TRAK1: variants seen among roughly 807,000 people sequenced by gnomAD.
The protein encoded by TRAK1 is trafficking kinesin-binding protein 1.
In TRAK1, 33 loss-of-function variants were observed where a neutral mutation model predicts 92.1. The ratio of observed to expected loss-of-function variants is 0.36; its 90% CI spans 0.27 to 0.48. The LOEUF (loss-of-function observed/expected upper bound fraction) is 0.48, where lower values mean the gene tolerates loss of function less well. TRAK1 is among the 20% of genes least tolerant of loss of function. The pLI is 0.99. For missense variants in TRAK1, 1,123 were observed against 1,257.9 expected (o/e 0.89, Z 1.62); for synonymous variants, 521 against 517.3 (o/e 1.01, Z -0.10).
chr3:42,184,955 C>T (rs1452802324), intron 4 of TRAK1, 154 bp downstream of exon 4: 7 of 641,222 alleles, frequency 1.1e-5, no homozygotes, highest in East Asian at 5.3e-5. Flanking sequence ...TCTTCTGAAA[C>T]GTTCACCTGG....
chr3:42,121,679 T>C (rs1310396765), intron 1 of TRAK1, among the ~76,000 whole-genome samples: 1 of 152,220 alleles, frequency 6.6e-6, no homozygotes, highest in African/African-American at 2.4e-5. Flanking sequence ...GCTTTTGGCC[T>C]TGTGGCCAAG....
chr3:42,133,614 T>A (rs1459197152), intron 2 of TRAK1, among the ~76,000 whole-genome samples: 2 of 152,210 alleles, frequency 1.3e-5, no homozygotes, highest in Non-Finnish European at 2.9e-5. Context: ...TTCCGTTGCC[T>A]TTTTCCTGCC....
At chr3:42,130,315 A>AG (rs1167986058) in intron 2 of TRAK1, among the ~76,000 whole-genome samples, 1 of 119,580 alleles carries the variant, frequency 8.4e-6, no homozygotes, top group African/African-American at 3.3e-5. Context: ...GCATTGATTG[A>AG]GGGAAAAAAA....
chr3:42,107,430 T>C (rs1234614588), intron 1 of TRAK1, among the ~76,000 whole-genome samples: 1 of 151,594 alleles, frequency 6.6e-6, no homozygotes, highest in Non-Finnish European at 1.5e-5. Context: ...GGGAATTGCT[T>C]GAACCCAGGA....
At chr3:42,091,272 G>C, upstream of TRAK1, 1 of 555,474 alleles carries the variant, frequency 1.8e-6, no homozygotes. Context: ...GAGCTGATAG[G>C]GTTCCCAGGC....
At chr3:42,113,875 A>G (rs183849570) in intron 1 of TRAK1, among the ~76,000 whole-genome samples, 9 of 152,330 alleles carry the variant, frequency 5.9e-5, no homozygotes, top group East Asian at 1.9e-4. Context: ...TTTAACGGGT[A>G]TAGTTCAGTG....
chr3:42,149,192 G>A (rs754506012), intron 2 of TRAK1: 58 of 1,060,084 alleles, frequency 5.5e-5, no homozygotes, highest in Non-Finnish European at 6.5e-5. Context: ...TGTCTCTGAC[G>A]TCACCCTCTA....
chr3:42,038,523 C>A (rs761696937), intron 1 of TRAK1, among the ~76,000 whole-genome samples: 1 of 152,136 alleles, frequency 6.6e-6, no homozygotes, highest in Non-Finnish European at 1.5e-5. Context: ...CAGTGGCTCG[C>A]GCCTGTAATC....
intron 2 of TRAK1, among the ~76,000 whole-genome samples, chr3:42,163,934 A>G (rs570387053): frequency 6.6e-6 from 1 of 152,362 alleles, no homozygotes; most frequent in Admixed American, 6.5e-5. Context: ...AACACTTGCC[A>G]ACATGCTTCA....
intron 8 of TRAK1, 126 bp downstream of exon 8, chr3:42,193,331 A>T: frequency 7.3e-7 from 1 of 1,377,372 alleles, no homozygotes. Flanking sequence ...CGCTTTGCAG[A>T]AAAAGCTTAG....
intron 2 of TRAK1, among the ~76,000 whole-genome samples, chr3:42,147,682 GCTCTCACT>G (rs1442811017): frequency 7.2e-5 from 11 of 152,188 alleles, no homozygotes; most frequent in Non-Finnish European, 1.6e-4. Context: ...GACAGGACCT[GCTCTCACT>G]AAAGGCTGGG....
intron 1 of TRAK1, among the ~76,000 whole-genome samples, chr3:42,064,258 G>A (rs1481835397): frequency 2.0e-5 from 3 of 152,004 alleles, no homozygotes; most frequent in Admixed American, 6.6e-5. Context: ...GAGCCCAGGG[G>A]TTTGAGACCA....
intron 1 of TRAK1, among the ~76,000 whole-genome samples, chr3:42,020,783 C>T (rs1354414538): frequency 1.3e-5 from 2 of 152,146 alleles, no homozygotes; most frequent in Non-Finnish European, 2.9e-5. Context: ...GAGTATGCTA[C>T]ATCTTGTGTT....
At chr3:42,043,623 G>GC (rs937948135) in intron 1 of TRAK1, among the ~76,000 whole-genome samples, 19 of 151,952 alleles carry the variant, frequency 1.3e-4, no homozygotes, top group African/African-American at 2.7e-4. Context: ...GCTGGGGGGG[G>GC]GGCGGGGGGA....
intron 1 of TRAK1, among the ~76,000 whole-genome samples, chr3:42,105,659 A>T (rs1707433909): frequency 6.6e-6 from 1 of 152,208 alleles, no homozygotes; most frequent in African/African-American, 2.4e-5. Flanking sequence ...AATTCAGGAA[A>T]TACAGAGAAC....
chr3:42,024,836 A>G (rs1701857551), intron 1 of TRAK1, among the ~76,000 whole-genome samples: 1 of 152,152 alleles, frequency 6.6e-6, no homozygotes, highest in African/African-American at 2.4e-5. Flanking sequence ...TACCATAGCC[A>G]TTTGACTCTT....
chr3:42,069,289 C>G (rs564891035), intron 1 of TRAK1, among the ~76,000 whole-genome samples: 12 of 146,928 alleles, frequency 8.2e-5, no homozygotes, highest in African/African-American at 2.5e-5. Context: ...TCACTTTACT[C>G]CAGCCTGGGT....
intron 1 of TRAK1, among the ~76,000 whole-genome samples, chr3:42,102,303 A>G (rs1706885563): frequency 2.0e-5 from 3 of 152,214 alleles, no homozygotes; most frequent in Non-Finnish European, 2.9e-5. Flanking sequence ...CATTTTACCT[A>G]CCTTACCCTA....
chr3:42,054,641 C>T (rs78101822), intron 1 of TRAK1, among the ~76,000 whole-genome samples: 12,815 of 152,154 alleles, frequency 0.084, 610 homozygotes, highest in Non-Finnish European at 0.11. Context: ...TTACCACCAT[C>T]GTACTTGTTC....
Sources: allele counts gnomAD v4.1 joint callset (sites outside exome capture counted in the v4.1 genomes callset), GRCh38; gene constraint gnomAD v4.1.1; transcripts MANE v1.5; gene names NCBI Gene and HGNC (gene_info 2026-07-23, HGNC 2026-07-21).